Variants in PDE4B observed in about 807,000 individuals in gnomAD.
PDE4B encodes the protein 3',5'-cyclic-AMP phosphodiesterase 4B.
A neutral mutation model predicts 82.2 loss-of-function variants in PDE4B; 20 were observed. The ratio of observed to expected loss-of-function variants is 0.24; its 90% CI spans 0.17 to 0.35. PDE4B has a LOEUF of 0.35. Ranked by LOEUF, PDE4B falls within the 10% of genes least tolerant of loss-of-function variation. The pLI is 1.00. For synonymous variants in PDE4B, 320 were observed against 318.9 expected, an observed-to-expected ratio of 1.00 and a Z score of -0.04; for missense variants, 655 against 907.2, an observed-to-expected ratio of 0.72 and a Z score of 3.57.
At chr1:65,931,469 G>T (rs754479439) in intron 3 of PDE4B, among the ~76,000 whole-genome samples, 2 of 152,104 alleles carry the variant, frequency 1.3e-5, no homozygotes, top group African/African-American at 2.4e-5. Flanking sequence ...CTCCTTGAAG[G>T]AAATAATAAT....
chr1:66,189,398 A>C (rs1361828640), intron 3 of PDE4B, among the ~76,000 whole-genome samples: 1 of 152,172 alleles, frequency 6.6e-6, no homozygotes, highest in East Asian at 1.9e-4. Context: ...AGATTGGGGA[A>C]GTTCTCCTGG....
intron 8 of PDE4B, among the ~76,000 whole-genome samples, chr1:66,335,196 T>C (rs1339962420): frequency 1.3e-5 from 2 of 152,160 alleles, no homozygotes; most frequent in African/African-American, 2.4e-5. Context: ...TGTGAAGAAA[T>C]GTTATAGAGG....
intron 3 of PDE4B, among the ~76,000 whole-genome samples, chr1:66,165,095 A>G (rs1247338206): frequency 2.0e-5 from 3 of 152,036 alleles, no homozygotes; most frequent in African/African-American, 2.4e-5. Flanking sequence ...GAATTCCTGC[A>G]CTGCTGCTAT....
chr1:66,362,366 A>T (rs938718272), intron 10 of PDE4B, among the ~76,000 whole-genome samples: 4 of 152,140 alleles, frequency 2.6e-5, no homozygotes, highest in Non-Finnish European at 5.9e-5. Flanking sequence ...GAATTCATAC[A>T]TCCTTTAGGA....
chr1:66,248,703 A>T (rs896715021), intron 4 of PDE4B, among the ~76,000 whole-genome samples: 14 of 152,252 alleles, frequency 9.2e-5, no homozygotes, highest in East Asian at 5.8e-4. Flanking sequence ...TAAAAATCAC[A>T]GATGAGTTAA....
chr1:66,113,450 T>G (rs1186318199), intron 3 of PDE4B, among the ~76,000 whole-genome samples: 1 of 152,058 alleles, frequency 6.6e-6, no homozygotes, highest in African/African-American at 2.4e-5. Context: ...ATACAAGATC[T>G]TGTTATTTTC....
At chr1:66,051,832 T>A (rs1322279807) in intron 3 of PDE4B, among the ~76,000 whole-genome samples, 1 of 152,212 alleles carries the variant, frequency 6.6e-6, no homozygotes, top group Non-Finnish European at 1.5e-5. Flanking sequence ...ACTCATGTAT[T>A]GTGGTAGACA....
At chr1:66,041,541 G>A (rs1255062647) in intron 3 of PDE4B, among the ~76,000 whole-genome samples, 2 of 151,862 alleles carry the variant, frequency 1.3e-5, no homozygotes, top group Non-Finnish European at 2.9e-5. Flanking sequence ...ACTTTACCCA[G>A]TGGTTGGAAC....
chr1:66,125,398 A>C (rs1645803193), intron 3 of PDE4B, among the ~76,000 whole-genome samples: 1 of 152,150 alleles, frequency 6.6e-6, no homozygotes, highest in East Asian at 1.9e-4. Context: ...ACCTGACATC[A>C]TGATCCACCT....
chr1:65,908,320 C>T (rs186339272), intron 1 of PDE4B, among the ~76,000 whole-genome samples: 190 of 152,110 alleles, frequency 1.2e-3, no homozygotes, highest in African/African-American at 4.3e-3. Context: ...ATATAGTTTG[C>T]GATGTAGTCT....
chr1:66,049,951 ACT>A (rs1654927821), intron 3 of PDE4B, among the ~76,000 whole-genome samples: 1 of 152,032 alleles, frequency 6.6e-6, no homozygotes, highest in African/African-American at 2.4e-5. Flanking sequence ...TAGTGTGAAA[ACT>A]CCACACAAAT....
At chr1:66,361,326 AT>A (rs1366336984) in intron 9 of PDE4B, among the ~76,000 whole-genome samples, 10 of 152,112 alleles carry the variant, frequency 6.6e-5, no homozygotes, top group South Asian at 2.1e-4. Flanking sequence ...AAAACAGAAG[AT>A]TTGGTCTTGG....
At chr1:66,189,070 T>A (rs1328284179) in intron 3 of PDE4B, among the ~76,000 whole-genome samples, 3 of 148,920 alleles carry the variant, frequency 2.0e-5, no homozygotes, top group Admixed American at 6.7e-5. Context: ...TCTATAAGTA[T>A]TTCATTTCTC....
intron 1 of PDE4B, among the ~76,000 whole-genome samples, chr1:65,909,976 A>G (rs939160249): frequency 5.9e-5 from 9 of 152,212 alleles, no homozygotes; most frequent in African/African-American, 2.2e-4. Flanking sequence ...TGTAAATAAG[A>G]CCCAATCAGT....
chr1:65,916,895 G>A (rs1231228752), intron 2 of PDE4B, among the ~76,000 whole-genome samples: 1 of 152,018 alleles, frequency 6.6e-6, no homozygotes, highest in Non-Finnish European at 1.5e-5. Flanking sequence ...AAATTGTTTT[G>A]TCTTCTTCCT....
intron 1 of PDE4B, among the ~76,000 whole-genome samples, chr1:65,800,565 A>G (rs114097401): frequency 2.0e-5 from 3 of 152,346 alleles, no homozygotes; most frequent in Non-Finnish European, 4.4e-5. Flanking sequence ...GGTATAAAAT[A>G]AGGCCAGCTT....
chr1:66,132,653 T>A (rs761997596), intron 3 of PDE4B, among the ~76,000 whole-genome samples: 4 of 152,196 alleles, frequency 2.6e-5, no homozygotes, highest in Non-Finnish European at 5.9e-5. Context: ...CTGCTGAGAC[T>A]GCGTGACTGG....
At chr1:66,313,906 C>T (rs955277058) in intron 7 of PDE4B, among the ~76,000 whole-genome samples, 5 of 152,122 alleles carry the variant, frequency 3.3e-5, no homozygotes, top group Admixed American at 1.3e-4. Context: ...CTTGCAACCA[C>T]GTGGGAGTCA....
intron 3 of PDE4B, among the ~76,000 whole-genome samples, chr1:66,194,790 A>C (rs1029555438): frequency 1.3e-5 from 2 of 152,092 alleles, no homozygotes; most frequent in Non-Finnish European, 2.9e-5. Flanking sequence ...CCTTGAGGAC[A>C]AGGGCCATTT....
Sources: gnomAD v4.1 joint callset for allele counts (sites outside exome capture counted in the v4.1 genomes callset) on GRCh38, gnomAD v4.1.1 for gene constraint, MANE v1.5 for transcripts, NCBI Gene and HGNC (gene_info 2026-07-23, HGNC 2026-07-21) for gene names.